The following KHSRP variants were observed in gnomAD, a reference collection of about 807,000 sequenced individuals.
KHSRP encodes the protein far upstream element-binding protein 2.
In KHSRP, 13 loss-of-function variants were observed where a neutral mutation model predicts 94.9. The ratio of observed to expected loss-of-function variants is 0.14; its 90% confidence interval spans 0.09 to 0.22. The LOEUF is 0.22. KHSRP is among the 10% of genes least tolerant of loss of function. The probability of loss-of-function intolerance (pLI) is 1.00; values close to 1 mark genes in which losing one functional copy is unlikely to be tolerated. For synonymous variants in KHSRP, 495 were observed against 401.4 expected (o/e 1.23, Z -2.79); for missense variants, 710 against 1,010.0 (o/e 0.70, Z 4.03).
chr19:6,420,359 G>C, intron 5 of KHSRP, 63 bp downstream of exon 5: 1 of 1,524,966 alleles, frequency 6.6e-7, no homozygotes, highest in Non-Finnish European at 9.1e-7. Context: ...GCTGGCAGGA[G>C]CTCACAGGAC....
At chr19:6,424,407 C>T (rs1296239688) in intron 1 of KHSRP, 46 bp downstream of exon 1, 4 of 954,710 alleles carry the variant, frequency 4.2e-6, no homozygotes, top group South Asian at 4.8e-5. Flanking sequence ...CCTCCCCCGC[C>T]TGCGCGCGCG....
In KHSRP at chr19:6,415,651, C is replaced by A. The variant is rs764470845; in HGVS notation, c.1771G>T (p.Val591Phe). The change falls in exon 17 of 19, where the codon GTC becomes TTC. Residue 591 changes from valine (V) to phenylalanine (F), a missense_variant. Val to Phe is a conservative substitution (Grantham distance 50). This residue lies in a region of KHSRP where 292 missense variants were observed against 340.5 expected (regional missense o/e 0.86). Transcript: ENST00000600480. ...SHYYQQPPGPVPGPAPAPAAP... is the reference protein window; with the variant it reads ...SHYYQQPPGPFPGPAPAPAAP... ...GCAGGGGCCGGTGCGGGGCCGGGGACGGGGCCCGGGGGCTGCTGGTAGTAG... is the reference window on the plus strand; with the variant it reads ...GCAGGGGCCGGTGCGGGGCCGGGGAAGGGGCCCGGGGGCTGCTGGTAGTAG... 1 of 1,537,704 alleles carries A rather than the reference C, an allele frequency of 6.5e-7. No homozygotes were observed. Among genetic ancestry groups the A allele is most frequent in the Non-Finnish European group, 8.7e-7 (1 of 1,143,448 alleles).
Position 6,422,413 on chromosome 19 carries a change from A to T in KHSRP, c.273T>A (p.Asp91Glu). The change falls in exon 2 of 19, where the codon GAT becomes GAA. Residue 91 changes from aspartate (D) to glutamate (E), a missense_variant. Asp to Glu is a conservative substitution (Grantham distance 45). Around this residue, in one of 5 missense-constraint regions of KHSRP, gnomAD observed 288 missense variants for 501.1 expected, o/e 0.57. Coordinates refer to ENST00000600480, the MANE Select transcript of KHSRP (RefSeq NM_001366299.1). ...TGCTGTTATTCACTGTCGTGGCAGC[A>T]TCGCCTCCAATTTTGGCTGCAATCT... is the stretch of plus-strand genomic sequence containing the variant. ...ARQIAAKIGG[D>E]AATTVNNSTP... is the part of the protein sequence containing the mutation. The T allele has an allele frequency of 6.2e-7, 1 of 1,613,784 alleles. No homozygotes were observed. Among genetic ancestry groups the T allele is most frequent in the Non-Finnish European group, 8.5e-7 (1 of 1,179,810 alleles).
At chr19:6,419,689 G>A (rs1254503404) in intron 6 of KHSRP, among the ~76,000 whole-genome samples, 1 of 152,216 alleles carries the variant, frequency 6.6e-6, no homozygotes, top group Non-Finnish European at 1.5e-5. Flanking sequence ...CCAGAACCGG[G>A]ATTTGCTCCT....
chr19:6,417,683 C>T, intron 11 of KHSRP, 56 bp downstream of exon 11: 3 of 1,475,438 alleles, frequency 2.0e-6, no homozygotes, highest in Admixed American at 1.7e-5. Flanking sequence ...TCAGAGCCTG[C>T]CTCCCAAAGA....
Position 6,414,018 on chromosome 19 carries a change from C to T in KHSRP, c.*1006G>A, listed in dbSNP as rs1259816878. On this transcript the variant is annotated 3_prime_UTR_variant, in exon 19 of 19. Transcript: ENST00000600480. ...CCCCAGTACTCCCCACGGCAGCCAT[C>T]GCTCTCTCGCCAAACAAAACAGAAG... 6 of 1,492,964 alleles carry T rather than the reference C, an allele frequency of 4.0e-6. No homozygotes were observed. Among genetic ancestry groups the T allele is most frequent in the South Asian group, 1.3e-5 (1 of 77,664 alleles). The allele number at this position is 1,492,964 out of a possible 1,614,324, so 92.5% of individuals were successfully genotyped here. A position where few individuals can be genotyped will look rare whatever the true frequency, so the allele number is the denominator to read the frequency against.
rs530596660 is a variant in KHSRP, at chr19:6,416,259, GC to G, written c.1598+38del. ...GCTATTCTTCTTGCCAGCTCAGTAA[GC>G]CCCCGGCCTCAAAACCCAGGAGGCA... On this transcript the variant is annotated intron_variant, in intron 15 of 18. Transcript: ENST00000600480. The G allele has an allele frequency of 1.8e-3, 2,622 of 1,493,818 alleles. 11 individuals carry two copies. The highest frequency in any genetic ancestry group is 1.5e-3 in the Non-Finnish European group (1,673 of 1,095,298). 92.5% of individuals were successfully genotyped at this position (1,493,818 alleles called of 1,614,324 possible).
Position 6,418,407 on chromosome 19 carries a change from G to A in KHSRP, c.879+76C>T. 9.6e-7 allele frequency: 1 copy of A among 1,042,772 alleles called. No homozygotes were observed. Among genetic ancestry groups the A allele is most frequent in the Non-Finnish European group, 1.5e-6 (1 of 680,556 alleles). 64.6% of individuals were successfully genotyped at this position (1,042,772 alleles called of 1,614,324 possible). A position where few individuals can be genotyped will look rare whatever the true frequency, so the allele number is the denominator to read the frequency against. On this transcript the variant is annotated intron_variant, in intron 9 of 18. Transcript: ENST00000600480. The surrounding 1 kb of genome is among the most constrained non-coding windows in gnomAD (Gnocchi z 4.3). ...TCACATATCTCTCTGGCGGAATGCA[G>A]ACCCCGAGACCGCTGGCCCTGCCCA...
chr19:6,420,379 T>C, intron 5 of KHSRP, 43 bp downstream of exon 5: 1 of 1,598,996 alleles, frequency 6.3e-7, no homozygotes, highest in East Asian at 2.2e-5. Flanking sequence ...CACTTCCTCC[T>C]GGGGAAGAGT....
At chr19:6,420,287 G>T in intron 5 of KHSRP, 135 bp downstream of exon 5, 2 of 1,149,844 alleles carry the variant, frequency 1.7e-6, no homozygotes, top group Non-Finnish European at 2.6e-6. Flanking sequence ...TCTGCCCAGA[G>T]GGGACGAAGG....
At chr19:6,420,371 C>T in intron 5 of KHSRP, 51 bp downstream of exon 5, 3 of 1,580,470 alleles carry the variant, frequency 1.9e-6, no homozygotes, top group Non-Finnish European at 2.6e-6. Flanking sequence ...TCACAGGACA[C>T]TTCCTCCTGG....
intron 6 of KHSRP, 81 bp from the exon 7 acceptor site, chr19:6,419,341 G>C (rs1156971014): frequency 7.7e-7 from 1 of 1,304,946 alleles, no homozygotes; most frequent in Non-Finnish European, 1.1e-6. Context: ...GAAACTTTCA[G>C]AACAACCAAG....
rs1248371800 is a variant in KHSRP, at chr19:6,413,246, A to G, written c.*1778T>C. 1 of 159,720 alleles carries G rather than the reference A, an allele frequency of 6.3e-6. No individual in the cohort carries two copies. Among genetic ancestry groups the G allele is most frequent in the Non-Finnish European group, 1.4e-5 (1 of 72,548 alleles). The allele number at this position is 159,720 out of a possible 1,614,324, so 9.9% of individuals were successfully genotyped here. ...ACAAAGTTTGTAAATTTCAATCACC[A>G]TTATCAGGCTTTTTAAACAACATCT... On this transcript the variant is annotated 3_prime_UTR_variant, in exon 19 of 19. Transcript: ENST00000600480.
rs1387357397 is a variant in KHSRP at position 6,418,579 on chromosome 19, T to C, written c.783A>G (p.Glu261=). ...TTAAGATCATCTTCACTCCAGCGCG[T>C]TCCTTTACAAGCAAGGTTAACCGTT... ...KGGETIKQLQ[E]RAGVKMILIQ... is the part of the protein sequence containing the mutation. Residue 261 remains glutamate (E), a splice_region_variant and synonymous_variant, in exon 9 of 19, where the codon GAA becomes GAG. Transcript: ENST00000600480. This position sits in a 1 kb window ranked among gnomAD's most constrained non-coding sequence, Gnocchi z 4.3. The C allele has an allele frequency of 6.2e-7, 1 of 1,613,786 alleles. No homozygotes were observed.
At position 6,418,885 on chromosome 19, in the gene KHSRP, G is replaced by A; in HGVS notation, c.606-9C>T. On this transcript the variant is annotated splice_polypyrimidine_tract_variant and intron_variant, in intron 7 of 18. Transcript: ENST00000600480. This position sits in a 1 kb window ranked among gnomAD's most constrained non-coding sequence, Gnocchi z 4.3. ...GCATCATCTTGGCTTTCCTGGGAAG[G>A]GGAGGAGCGGGGGATGAGCGGGTGC... is the stretch of plus-strand genomic sequence containing the variant. 6.5e-7 allele frequency: 1 copy of A among 1,537,230 alleles called. No individual in the cohort carries two copies. The highest frequency in any genetic ancestry group is 1.3e-5 in the South Asian group (1 of 79,458).
chr19:6,417,858 C>A lies in KHSRP; in HGVS notation c.979-17G>T. ...CACTGGCACCTGGGGAGGGAGGCAG[C>A]AGCGTCAGCTCGGCCCGCAGCTCTG... On this transcript the variant is annotated splice_polypyrimidine_tract_variant and intron_variant, in intron 10 of 18. Transcript: ENST00000600480. 6.2e-7 allele frequency: 1 copy of A among 1,611,662 alleles called. No individual in the cohort carries two copies. Among genetic ancestry groups the A allele is most frequent in the South Asian group, 1.1e-5 (1 of 91,000 alleles).
Position 6,415,187 on chromosome 19 carries a change from C to T in KHSRP, c.2081G>A (p.Gly694Asp). The T allele has an allele frequency of 6.2e-7, 1 of 1,611,066 alleles. No individual in the cohort carries two copies. Among genetic ancestry groups the T allele is most frequent in the Non-Finnish European group, 8.5e-7 (1 of 1,179,682 alleles). ...GGGCGGCGGCTGGGGGCCGCCAGGA[C>T]CTGGGGTCTGTCCGTAGTAAGCGGC... ...QQAAYYGQTP[G>D]PGGPQPPPTQ... Residue 694 changes from glycine to aspartate, a missense_variant, in exon 19 of 19, where the codon GGT becomes GAT. Gly to Asp is a moderately conservative substitution (Grantham distance 94). Coordinates refer to ENST00000600480, the MANE Select transcript of KHSRP (RefSeq NM_001366299.1).
In KHSRP at chr19:6,413,866, T is replaced by C; in HGVS notation, c.*1158A>G. Reference sequence around the variant, plus strand: ...GGCAGAGATTTAGATCTCGCTATCTTCTCTGGCTGGCTCAACATGGAAGGA... The same window carrying C: ...GGCAGAGATTTAGATCTCGCTATCTCCTCTGGCTGGCTCAACATGGAAGGA... On this transcript the variant is annotated 3_prime_UTR_variant, in exon 19 of 19. Coordinates refer to ENST00000600480, the MANE Select transcript of KHSRP (RefSeq NM_001366299.1). 2.9e-6 allele frequency: 1 copy of C among 349,534 alleles called. No individual in the cohort carries two copies. Among genetic ancestry groups the C allele is most frequent in the Non-Finnish European group, 5.0e-6 (1 of 198,662 alleles). The allele number at this position is 349,534 out of a possible 1,614,324, so 21.7% of individuals were successfully genotyped here.
rs373200752 is a variant in KHSRP at position 6,417,078 on chromosome 19, G to A, written c.1091C>T (p.Thr364Ile). 6.8e-6 allele frequency: 11 copies of A among 1,610,700 alleles called. No individual in the cohort carries two copies. Among genetic ancestry groups the A allele is most frequent in the Non-Finnish European group, 9.3e-6 (11 of 1,179,504 alleles). ...VRIQFKQDDG[T>I]GPEKIAHIMG... is the part of the protein sequence containing the mutation. ...TATATGAGCAATCTTCTCGGGCCCT[G>A]TCCCGTCATCTGAGGCCAGCACCGA... is the stretch of plus-strand genomic sequence containing the variant. Residue 364 changes from threonine to isoleucine, a missense_variant, in exon 12 of 19, where the codon ACA (threonine) becomes ATA (isoleucine). By Grantham distance (89) the Thr-to-Ile change is moderately conservative. Around this residue, in one of 5 missense-constraint regions of KHSRP, gnomAD observed 288 missense variants for 501.1 expected, o/e 0.57. Transcript: ENST00000600480.
Sources: gnomAD v4.1 joint callset for allele counts (sites outside exome capture counted in the v4.1 genomes callset) on GRCh38, gnomAD v4.1.1 for gene constraint, gnomAD v4.1.1 regional missense constraint, Gnocchi (gnomAD v3.1) non-coding constraint, MANE v1.5 for transcripts, NCBI Gene and HGNC (gene_info 2026-07-23, HGNC 2026-07-21) for gene names.